Variants in WDR64 observed in about 807,000 individuals in gnomAD.
WDR64 encodes WD repeat-containing protein 64.
In WDR64, 112 loss-of-function variants were observed where a neutral mutation model predicts 139.3. The observed-to-expected ratio is 0.80, with a 90% CI of 0.69 to 0.94. The LOEUF (loss-of-function observed/expected upper bound fraction) is 0.94, where lower values mean the gene tolerates loss of function less well. Ranked by LOEUF, WDR64 falls within the 40% of genes least tolerant of loss-of-function variation. The pLI is 0.00. For missense variants in WDR64, 1,206 were observed against 1,293.1 expected, an observed-to-expected ratio of 0.93 and a Z score of 1.03; for synonymous variants, 444 against 437.7, an observed-to-expected ratio of 1.01 and a Z score of -0.18.
chr1:241,722,783 T>C (rs1310528948), intron 9 of WDR64, among the ~76,000 whole-genome samples: 2 of 152,178 alleles, frequency 1.3e-5, no homozygotes, highest in African/African-American at 4.8e-5. Flanking sequence ...ATTTATTCTA[T>C]GGTAGTAACT....
At chr1:241,766,477 G>C (rs566615236) in intron 16 of WDR64, 126 bp downstream of exon 16, 1 of 1,049,780 alleles carries the variant, frequency 9.5e-7, no homozygotes, top group Non-Finnish European at 1.3e-6. Flanking sequence ...TTGGGAGGAG[G>C]ATCACTTAAG....
chr1:241,801,968 A>T lies in WDR64; in HGVS notation c.*753A>T, dbSNP rs1574106518. 2 of 398,038 alleles carry T rather than the reference A, an allele frequency of 5.0e-6. No individual in the cohort carries two copies. The allele number at this position is 398,038 out of a possible 1,614,324, so 24.7% of individuals were successfully genotyped here. A position where few individuals can be genotyped will look rare whatever the true frequency, so the allele number is the denominator to read the frequency against. Reference sequence around the variant, plus strand: ...GTTGTTTACAAGAAACACATCTAACATACAAGGACACCAAACTCTTAAAGA... The same window carrying T: ...GTTGTTTACAAGAAACACATCTAACTTACAAGGACACCAAACTCTTAAAGA... On this transcript the variant is annotated 3_prime_UTR_variant, in exon 28 of 28. Transcript: ENST00000437684.
rs946003270 is a variant in WDR64, at chr1:241,679,472, G to A, written c.514-13G>A. Reference sequence around the variant, plus strand: ...AATGCATTATATCCCCCAATTCTCTGCTTTTCTATCAGGACACCTCCTGGA... The same window carrying A: ...AATGCATTATATCCCCCAATTCTCTACTTTTCTATCAGGACACCTCCTGGA... On this transcript the variant is annotated splice_polypyrimidine_tract_variant and intron_variant, in intron 5 of 27. Transcript: ENST00000437684. The A allele has an allele frequency of 1.3e-6, 2 of 1,550,062 alleles. No homozygotes were observed. Among genetic ancestry groups the A allele is most frequent in the Admixed American group, 2.0e-5 (1 of 50,980 alleles).
At chr1:241,738,565 C>A in intron 11 of WDR64, 76 bp downstream of exon 11, 1 of 1,469,556 alleles carries the variant, frequency 6.8e-7, no homozygotes, top group Non-Finnish European at 9.1e-7. Flanking sequence ...CACTTGAGCA[C>A]TAACTACAAG....
In WDR64 at chr1:241,687,663, G is replaced by C. The variant is rs773855715; in HGVS notation, c.974+68G>C. The C allele has an allele frequency of 4.9e-5, 71 of 1,460,598 alleles. 1 individual carries two copies. In the Middle Eastern group the frequency reaches 1.2e-3, roughly 24 times the overall value. 90.5% of individuals were successfully genotyped at this position (1,460,598 alleles called of 1,614,324 possible). A position where few individuals can be genotyped will look rare whatever the true frequency, so the allele number is the denominator to read the frequency against. ...AAGCTTTTTACAATGATAAAACCAT[G>C]ACAGCTTTGAAACTTTCAAACTGGC... On this transcript the variant is annotated intron_variant, in intron 8 of 27. Coordinates refer to ENST00000437684, the MANE Select transcript of WDR64 (RefSeq NM_001367482.1).
At position 241,696,100 on chromosome 1, in the gene WDR64, T is replaced by C. The variant is rs147306835; in HGVS notation, c.974+8505T>C. ...CTGTACTCCAGCCTGTGGAATGGAATGAGACCCAGTATCAAAAAAAAAAAA... is the reference window on the plus strand; with the variant it reads ...CTGTACTCCAGCCTGTGGAATGGAACGAGACCCAGTATCAAAAAAAAAAAA... On this transcript the variant is annotated intron_variant, in intron 8 of 27. Coordinates refer to ENST00000437684, the MANE Select transcript of WDR64 (RefSeq NM_001367482.1). Among the ~76,000 whole-genome samples the C allele has an allele frequency of 5.5e-3, 459 of 83,352 alleles. 3 individuals are homozygous for C. The highest frequency in any genetic ancestry group is 0.029 in the African/African-American group (436 of 15,090). The allele number at this position is 83,352 out of a possible 152,430, so 54.7% of individuals were successfully genotyped here.
At chr1:241,778,492 T>C (rs1467147178) in intron 21 of WDR64, among the ~76,000 whole-genome samples, 1 of 152,332 alleles carries the variant, frequency 6.6e-6, no homozygotes, top group East Asian at 1.9e-4. Flanking sequence ...ATTGTTGGCA[T>C]CTAAAGTAAT....
chr1:241,734,838 C>A (rs1335769878), intron 10 of WDR64, among the ~76,000 whole-genome samples: 1 of 152,090 alleles, frequency 6.6e-6, no homozygotes, highest in Non-Finnish European at 1.5e-5. Flanking sequence ...ATAACTATAC[C>A]ATATAGCCTA....
At chr1:241,736,167 A>AGCTGCTCTGCTGCC (rs1211960748) in intron 10 of WDR64, among the ~76,000 whole-genome samples, 2 of 152,118 alleles carry the variant, frequency 1.3e-5, no homozygotes, top group Non-Finnish European at 2.9e-5. Flanking sequence ...TGTCTGCAGA[A>AGCTGCTCTGCTGCC]GCTGCTCTGC....
chr1:241,796,488 C>A (rs1574103319), intron 27 of WDR64, 118 bp downstream of exon 27: 10 of 670,614 alleles, frequency 1.5e-5, no homozygotes, highest in East Asian at 3.2e-5. Context: ...CATTTCAGTT[C>A]ATACTTTTTT....
chr1:241,655,608 T>G (rs1665558486), intron 1 of WDR64, among the ~76,000 whole-genome samples: 1 of 152,184 alleles, frequency 6.6e-6, no homozygotes, highest in Admixed American at 6.5e-5. Flanking sequence ...ATGCACCTTC[T>G]GCCCTAAAAC....
intron 2 of WDR64, among the ~76,000 whole-genome samples, chr1:241,664,882 T>C (rs1665971388): frequency 6.6e-6 from 1 of 152,140 alleles, no homozygotes; most frequent in Non-Finnish European, 1.5e-5. Flanking sequence ...TTTCTCCCTC[T>C]TTATGTAGTA....
chr1:241,767,180 G>A (rs531251077), intron 16 of WDR64, among the ~76,000 whole-genome samples: 29 of 152,252 alleles, frequency 1.9e-4, no homozygotes. Flanking sequence ...CTCCTGGGTA[G>A]CATATCCTTC....
chr1:241,712,329 G>A (rs748651442), intron 9 of WDR64, among the ~76,000 whole-genome samples: 6 of 152,180 alleles, frequency 3.9e-5, no homozygotes, highest in Non-Finnish European at 7.3e-5. Context: ...AGAGTTAACA[G>A]ATGAGAAGAC....
In WDR64 at chr1:241,741,597, T is replaced by G; in HGVS notation, c.1403T>G (p.Ile468Ser). The change falls in exon 12 of 28, where the codon ATC becomes AGC. Residue 468 changes from isoleucine to serine, a missense_variant. Coordinates refer to ENST00000437684, the MANE Select transcript of WDR64 (RefSeq NM_001367482.1). ...KQVPHTHEREINVMLYNKYFH... is the reference protein window; with the variant it reads ...KQVPHTHERESNVMLYNKYFH... ...GTTCCTCACACTCATGAACGAGAAA[T>G]CAATGTCATGCTTTACAACAAATAT... 6.2e-7 allele frequency: 1 copy of G among 1,613,596 alleles called. No homozygotes were observed. Among genetic ancestry groups the G allele is most frequent in the Non-Finnish European group, 8.5e-7 (1 of 1,179,884 alleles).
intron 8 of WDR64, among the ~76,000 whole-genome samples, chr1:241,697,224 C>T (rs1667528233): frequency 6.6e-6 from 1 of 152,186 alleles, no homozygotes; most frequent in Non-Finnish European, 1.5e-5. Context: ...ACTTCTGCCC[C>T]TTTCACTCTT....
intron 21 of WDR64, among the ~76,000 whole-genome samples, chr1:241,778,456 CTCTT>C (rs532663811): frequency 3.3e-5 from 5 of 152,256 alleles, no homozygotes; most frequent in African/African-American, 7.2e-5. Flanking sequence ...CTCTGACACT[CTCTT>C]TGTTTTAACT....
At chr1:241,653,346 T>G (rs1665437402) in intron 1 of WDR64, among the ~76,000 whole-genome samples, 2 of 152,158 alleles carry the variant, frequency 1.3e-5, no homozygotes, top group South Asian at 4.1e-4. Context: ...AGCCTCTGAG[T>G]GTGCCAGGCT....
intron 2 of WDR64, among the ~76,000 whole-genome samples, chr1:241,668,506 A>C (rs1666106525): frequency 6.6e-6 from 1 of 152,174 alleles, no homozygotes; most frequent in Admixed American, 6.5e-5. Context: ...TGTCTGTAGG[A>C]GTCATATAAC....
Sources: allele counts gnomAD v4.1 joint callset (sites outside exome capture counted in the v4.1 genomes callset), GRCh38; gene constraint gnomAD v4.1.1; transcripts MANE v1.5; gene names NCBI Gene and HGNC (gene_info 2026-07-23, HGNC 2026-07-21).